The following CCR3 variants were observed in gnomAD, a reference collection of about 807,000 sequenced individuals.
CCR3 encodes C-C chemokine receptor type 3.
For synonymous variants in CCR3, 203 were observed against 179.2 expected, an observed-to-expected ratio of 1.13 and a Z score of -1.06; for missense variants, 419 against 437.5, an observed-to-expected ratio of 0.96 and a Z score of 0.38.
intron 2 of CCR3, among the ~76,000 whole-genome samples, chr3:46,214,695 G>A (rs538695047): frequency 1.6e-4 from 25 of 152,232 alleles, no homozygotes; most frequent in African/African-American, 5.8e-4. Context: ...CAGATCCTCT[G>A]GGGAGACCAG....
At chr3:46,254,158 C>T (rs538381562) in intron 1 of CCR3, among the ~76,000 whole-genome samples, 63 of 152,220 alleles carry the variant, frequency 4.1e-4, no homozygotes, top group African/African-American at 1.5e-3. Context: ...AAATGGGTGC[C>T]ATGTGAGGTC....
At chr3:46,246,470 G>A (rs919794735) in intron 1 of CCR3, among the ~76,000 whole-genome samples, 1 of 152,106 alleles carries the variant, frequency 6.6e-6, no homozygotes, top group African/African-American at 2.4e-5. Flanking sequence ...GCGGGCAGGA[G>A]TGGGGGTCGC....
Position 46,248,561 on chromosome 3 carries a change from G to A in CCR3, c.-12+6023G>A, listed in dbSNP as rs567555035. Among the ~76,000 whole-genome samples the A allele has an allele frequency of 6.6e-5, 10 of 152,226 alleles. No individual in the cohort carries two copies. In the South Asian group the frequency reaches 1.5e-3, roughly 22 times the overall value. ...GGGATTGAGGTTTGGGAGATTAATC[G>A]GACAGGATCAGCAGGGAGAGCACGT... is the stretch of plus-strand genomic sequence containing the variant. On this transcript the variant is annotated intron_variant, in intron 1 of 1. Transcript: ENST00000395940.
chr3:46,232,878 G>A (rs563899666), intron 2 of CCR3, among the ~76,000 whole-genome samples: 1 of 152,336 alleles, frequency 6.6e-6, no homozygotes, highest in African/African-American at 2.4e-5. Flanking sequence ...TGTTGCCCAG[G>A]CTGGAGTGCA....
At chr3:46,249,901 A>T (rs1700272832) in intron 1 of CCR3, among the ~76,000 whole-genome samples, 1 of 151,954 alleles carries the variant, frequency 6.6e-6, no homozygotes, top group South Asian at 2.1e-4. Flanking sequence ...GTACACCTTG[A>T]AGGTGAGGTT....
At chr3:46,224,666 G>A (rs925111798) in intron 2 of CCR3, among the ~76,000 whole-genome samples, 6 of 147,938 alleles carry the variant, frequency 4.1e-5, no homozygotes, top group African/African-American at 1.5e-4. Flanking sequence ...GAGCCTGGGA[G>A]ACGGAGGTTG....
intron 2 of CCR3, among the ~76,000 whole-genome samples, chr3:46,235,566 G>A (rs920482861): frequency 6.6e-6 from 1 of 152,224 alleles, no homozygotes; most frequent in Admixed American, 6.5e-5. Context: ...ATATCTTTGT[G>A]GAGAAACTGA....
chr3:46,215,990 C>A (rs963776454), intron 2 of CCR3, among the ~76,000 whole-genome samples: 1 of 152,184 alleles, frequency 6.6e-6, no homozygotes, highest in Non-Finnish European at 1.5e-5. Context: ...CTGGTTCCAG[C>A]ACTGAGTTGG....
Position 46,265,477 on chromosome 3 carries a change from A to T in CCR3, c.319A>T (p.Lys107Ter). Residue 107 changes from lysine to a stop codon, truncating the protein, a stop_gained, in exon 2 of 2, where the codon AAG becomes TAG. Transcript: ENST00000395940. LOFTEE classifies it low-confidence loss of function (END_TRUNC). ...HNWVFGHGMC[K>*]LLSGFYHTGL... ...CTGGGTTTTTGGCCATGGCATGTGT[A>T]AGCTCCTCTCAGGGTTTTATCACAC... is the stretch of plus-strand genomic sequence containing the variant. 6.2e-7 allele frequency: 1 copy of T among 1,614,184 alleles called. No homozygotes were observed. Among genetic ancestry groups the T allele is most frequent in the South Asian group, 1.1e-5 (1 of 91,088 alleles).
At chr3:46,230,139 G>A (rs1407007315) in intron 2 of CCR3, among the ~76,000 whole-genome samples, 2 of 152,066 alleles carry the variant, frequency 1.3e-5, no homozygotes, top group Admixed American at 6.5e-5. Flanking sequence ...AGAAAGGGGT[G>A]CATAGGAAAG....
chr3:46,266,199 A>G lies in CCR3; in HGVS notation c.1041A>G (p.Ala347=). The part of the protein sequence containing the change: ...ERTSSVSPST[A]EPELSIVF Reference sequence around the variant, plus strand: ...CCAGCTCTGTCTCTCCATCCACAGCAGAGCCGGAACTCTCTATTGTGTTTT... The same window carrying G: ...CCAGCTCTGTCTCTCCATCCACAGCGGAGCCGGAACTCTCTATTGTGTTTT... Residue 347 remains alanine (A), a synonymous_variant, in exon 2 of 2, where the codon GCA becomes GCG. Transcript: ENST00000395940. 1.9e-6 allele frequency: 3 copies of G among 1,613,452 alleles called. No homozygotes were observed. The South Asian group carries it at 3.3e-5, about 18-fold the overall frequency.
chr3:46,264,823 C>T (rs1575513757), intron 1 of CCR3: 2 of 385,208 alleles, frequency 5.2e-6, no homozygotes, highest in African/African-American at 2.1e-5. Flanking sequence ...ATATTGTTAT[C>T]ATTATCTAGC....
chr3:46,261,560 G>A (rs554169361), intron 1 of CCR3, among the ~76,000 whole-genome samples: 1 of 152,320 alleles, frequency 6.6e-6, no homozygotes, highest in Admixed American at 6.5e-5. Context: ...GTTATGAAAG[G>A]AAGCAGTCAC....
chr3:46,243,381 G>C (rs1700131395), intron 1 of CCR3, among the ~76,000 whole-genome samples: 1 of 152,074 alleles, frequency 6.6e-6, no homozygotes, highest in Non-Finnish European at 1.5e-5. Flanking sequence ...ATACATATGT[G>C]TGTGTGCATT....
chr3:46,221,746 A>G (rs1699839302), intron 2 of CCR3, among the ~76,000 whole-genome samples: 1 of 152,148 alleles, frequency 6.6e-6, no homozygotes, highest in African/African-American at 2.4e-5. Context: ...AACCCCTGGC[A>G]GGTTTCCGGT....
At chr3:46,244,154 C>T (rs1053873792) in intron 1 of CCR3, among the ~76,000 whole-genome samples, 1 of 152,098 alleles carries the variant, frequency 6.6e-6, no homozygotes, top group Non-Finnish European at 1.5e-5. Flanking sequence ...AAAATGCACA[C>T]AAATATGTTT....
At chr3:46,236,769 T>G (rs896039447) in intron 2 of CCR3, among the ~76,000 whole-genome samples, 1 of 151,700 alleles carries the variant, frequency 6.6e-6, no homozygotes, top group Non-Finnish European at 1.5e-5. Context: ...CTCAGAAGAG[T>G]TCAAAACCTC....
At chr3:46,221,346 C>G (rs1419864510) in intron 2 of CCR3, among the ~76,000 whole-genome samples, 2 of 152,248 alleles carry the variant, frequency 1.3e-5, no homozygotes, top group African/African-American at 4.8e-5. Flanking sequence ...ACAACAGCAA[C>G]AAATACTGTA....
chr3:46,265,786 C>T lies in CCR3; in HGVS notation c.628C>T (p.Leu210Phe). The change falls in exon 2 of 2, where the codon CTC (leucine) becomes TTC (phenylalanine). Residue 210 changes from leucine (L) to phenylalanine (F), a missense_variant. Physicochemically the swap from Leu to Phe is conservative, Grantham distance 22. Coordinates refer to ENST00000395940, the MANE Select transcript of CCR3 (RefSeq NM_178329.3). ...GAGAATGACCATCTTCTGTCTCGTTCTCCCTCTGCTCGTTATGGCCATCTG... is the reference window on the plus strand; with the variant it reads ...GAGAATGACCATCTTCTGTCTCGTTTTCCCTCTGCTCGTTATGGCCATCTG... ...TLRMTIFCLV[L>F]PLLVMAICYT... 1 of 1,613,934 alleles carries T rather than the reference C, an allele frequency of 6.2e-7. No homozygotes were observed. Among genetic ancestry groups the T allele is most frequent in the African/African-American group, 1.3e-5 (1 of 75,032 alleles).
Sources: gnomAD v4.1 joint callset for allele counts (sites outside exome capture counted in the v4.1 genomes callset) on GRCh38, gnomAD v4.1.1 for gene constraint, MANE v1.5 for transcripts, NCBI Gene and HGNC (gene_info 2026-07-23, HGNC 2026-07-21) for gene names.